The following RIGI variants were observed in gnomAD, a reference collection of about 807,000 sequenced individuals.
RIGI encodes RNA sensor RIG-I.
the RIGI span, chr9:32,477,087 C>T: frequency 4.9e-5 from 79 of 1,614,086 alleles, no homozygotes; most frequent in Non-Finnish European, 4.2e-5. Flanking sequence ...TTAGGATTCT[C>T]ATTGCTGGGA....
At chr9:32,480,784 C>T in the RIGI span, among the ~76,000 whole-genome samples, 1 of 152,196 alleles carries the variant, frequency 6.6e-6, no homozygotes, top group Non-Finnish European at 1.5e-5. Context: ...CCACATCCAT[C>T]AAATGTACAA....
the RIGI span, chr9:32,500,844 C>G: frequency 3.1e-6 from 5 of 1,614,146 alleles, no homozygotes; most frequent in East Asian, 8.9e-5. Context: ...CGGAACCAGC[C>G]TTCCTCCTGG....
the RIGI span, among the ~76,000 whole-genome samples, chr9:32,469,651 T>A: frequency 6.6e-6 from 1 of 152,102 alleles, no homozygotes; most frequent in Non-Finnish European, 1.5e-5. Context: ...AAAGAAAGGA[T>A]CTTGACTAAG....
chr9:32,477,207 T>C, the RIGI span: 5 of 1,523,070 alleles, frequency 3.3e-6, no homozygotes, highest in Non-Finnish European at 4.4e-6. Flanking sequence ...TTAGCTATCG[T>C]TCAAACAGCT....
chr9:32,513,139 T>A, the RIGI span, among the ~76,000 whole-genome samples: 1 of 151,776 alleles, frequency 6.6e-6, no homozygotes, highest in African/African-American at 2.4e-5. Context: ...AAAATGGCCA[T>A]ACTGCCCAAG....
chr9:32,513,899 C>A, the RIGI span, among the ~76,000 whole-genome samples: 8 of 152,148 alleles, frequency 5.3e-5, no homozygotes, highest in African/African-American at 1.9e-4. Context: ...ACAACCCCAT[C>A]AAAAAGTGGG....
the RIGI span, chr9:32,526,000 G>A: frequency 6.3e-5 from 81 of 1,283,552 alleles, no homozygotes; most frequent in Non-Finnish European, 8.5e-5. Context: ...AGGGAACGAA[G>A]CAAGAGAAAA....
At chr9:32,496,797 A>G in the RIGI span, among the ~76,000 whole-genome samples, 1 of 152,242 alleles carries the variant, frequency 6.6e-6, no homozygotes, top group Non-Finnish European at 1.5e-5. Flanking sequence ...GCATATGGAT[A>G]TCCAGTTTTC....
the RIGI span, among the ~76,000 whole-genome samples, chr9:32,497,679 G>A: frequency 5.9e-5 from 9 of 152,130 alleles, no homozygotes; most frequent in Non-Finnish European, 1.3e-4. Flanking sequence ...CCCAGGAGGC[G>A]GAGCTTGCAG....
At chr9:32,524,171 G>C in the RIGI span, among the ~76,000 whole-genome samples, 91,740 of 151,882 alleles carry the variant, frequency 0.6, 28,034 homozygotes, top group Middle Eastern at 0.68. Flanking sequence ...CATTCACATA[G>C]ACACACTAAT....
chr9:32,484,436 C>A, the RIGI span, among the ~76,000 whole-genome samples: 2 of 152,172 alleles, frequency 1.3e-5, no homozygotes, highest in Admixed American at 1.3e-4. Context: ...AAACTCAAAA[C>A]CTTGTACCTG....
chr9:32,478,090 C>A, the RIGI span, among the ~76,000 whole-genome samples: 1 of 151,288 alleles, frequency 6.6e-6, no homozygotes, highest in Non-Finnish European at 1.5e-5. Flanking sequence ...GGCACTCAGG[C>A]TGGAGTGCAG....
chr9:32,498,563 A>G, the RIGI span, among the ~76,000 whole-genome samples: 8 of 152,200 alleles, frequency 5.3e-5, no homozygotes, highest in Non-Finnish European at 1.0e-4. Context: ...AAAACACCAT[A>G]GCTCTGAAAA....
the RIGI span, among the ~76,000 whole-genome samples, chr9:32,516,435 G>C: frequency 1.6e-3 from 247 of 152,172 alleles, no homozygotes; most frequent in African/African-American, 5.8e-3. Flanking sequence ...TTTGTGGCTG[G>C]GTTGCTGTGG....
the RIGI span, among the ~76,000 whole-genome samples, chr9:32,463,149 C>A: frequency 6.6e-5 from 10 of 152,190 alleles, no homozygotes; most frequent in African/African-American, 2.4e-4. Context: ...AATTAAAAAC[C>A]AAATATAATT....
the RIGI span, chr9:32,500,986 T>C: frequency 6.3e-7 from 1 of 1,597,962 alleles, no homozygotes; most frequent in Non-Finnish European, 8.5e-7. Context: ...GAACTATTAA[T>C]CATTAGAAGA....
At chr9:32,488,204 C>G in the RIGI span, 1 of 1,612,430 alleles carries the variant, frequency 6.2e-7, no homozygotes, top group Non-Finnish European at 8.5e-7. Flanking sequence ...AACTCTATAC[C>G]TGGGAAATGA....
the RIGI span, chr9:32,467,877 A>T: frequency 6.2e-7 from 1 of 1,613,418 alleles, no homozygotes; most frequent in Non-Finnish European, 8.5e-7. Flanking sequence ...GAATATTGTG[A>T]TCTCCACTGG....
chr9:32,512,645 T>C, the RIGI span, among the ~76,000 whole-genome samples: 1 of 152,178 alleles, frequency 6.6e-6, no homozygotes, highest in Non-Finnish European at 1.5e-5. Context: ...AAGCATTTCC[T>C]TTGAAAACCA....
Sources: gnomAD v4.1 joint callset for allele counts (sites outside exome capture counted in the v4.1 genomes callset) on GRCh38, gnomAD v4.1.1 for gene constraint, MANE v1.5 for transcripts, NCBI Gene and HGNC (gene_info 2026-07-23, HGNC 2026-07-21) for gene names.